GNA12: variants seen among roughly 807,000 people sequenced by gnomAD.
The protein encoded by GNA12 is G protein subunit alpha 12, also known as guanine nucleotide-binding protein subunit alpha-12.
Under a neutral mutation model 26.0 loss-of-function variants are expected in GNA12, and 9 were observed. That is an observed-to-expected ratio of 0.35 (90% CI 0.21 to 0.60). The LOEUF (loss-of-function observed/expected upper bound fraction) is 0.60. GNA12 is among the 20% of genes least tolerant of loss of function. The pLI is 0.78. For synonymous variants in GNA12, 264 were observed against 219.6 expected, an observed-to-expected ratio of 1.20 and a Z score of -1.79; for missense variants, 405 against 525.8, an observed-to-expected ratio of 0.77 and a Z score of 2.25.
intron 2 of GNA12, among the ~76,000 whole-genome samples, chr7:2,749,584 C>T (rs549989532): frequency 2.6e-5 from 4 of 151,816 alleles, no homozygotes; most frequent in Non-Finnish European, 5.9e-5. Flanking sequence ...ATGGGTGCAG[C>T]ACACCAACAT....
At chr7:2,762,902 G>T in intron 2 of GNA12, 1 of 1,421,728 alleles carries the variant, frequency 7.0e-7, no homozygotes, top group East Asian at 2.7e-5. Flanking sequence ...TGCTGCGGCG[G>T]GGAGAAGAGG....
chr7:2,830,385 TC>T (rs1736481718), intron 1 of GNA12, among the ~76,000 whole-genome samples: 1 of 151,810 alleles, frequency 6.6e-6, no homozygotes, highest in Non-Finnish European at 1.5e-5. Context: ...GACTAAAGAG[TC>T]TGGTTTTGGG....
At chr7:2,761,336 G>A (rs771391915) in intron 2 of GNA12, among the ~76,000 whole-genome samples, 14 of 152,218 alleles carry the variant, frequency 9.2e-5, no homozygotes, top group Non-Finnish European at 1.9e-4. Flanking sequence ...GCTATGCCTA[G>A]AGGCACGGGG....
chr7:2,794,906 G>C lies in GNA12; in HGVS notation c.525+22C>G, dbSNP rs1173422535. ...TAAAAAACACACTATCAGGTGCCCA[G>C]CAAGAAGGCCTACTCACTCACCAGC... On this transcript the variant is annotated intron_variant, in intron 2 of 3. Coordinates refer to ENST00000275364, the MANE Select transcript of GNA12 (RefSeq NM_007353.3). 3.9e-6 allele frequency: 6 copies of C among 1,551,496 alleles called. No homozygotes were observed. The African/African-American group carries it at 4.1e-5, about 11-fold the overall frequency.
intron 1 of GNA12, among the ~76,000 whole-genome samples, chr7:2,812,978 C>G (rs1290609662): frequency 6.6e-6 from 1 of 152,226 alleles, no homozygotes; most frequent in Non-Finnish European, 1.5e-5. Flanking sequence ...GAGTCTCGCT[C>G]TGTCGCCCAG....
At chr7:2,836,878 T>C (rs1371704073) in intron 1 of GNA12, among the ~76,000 whole-genome samples, 2 of 152,036 alleles carry the variant, frequency 1.3e-5, no homozygotes, top group African/African-American at 4.8e-5. Context: ...GAGCCAGGAT[T>C]GCGCCACTGC....
At chr7:2,814,483 A>G in intron 1 of GNA12, 1 of 823,704 alleles carries the variant, frequency 1.2e-6, no homozygotes, top group Non-Finnish European at 2.1e-6. Flanking sequence ...CAAGCTCACA[A>G]ATAAAATCAA....
At chr7:2,778,067 G>A (rs910455643) in intron 2 of GNA12, among the ~76,000 whole-genome samples, 5 of 151,936 alleles carry the variant, frequency 3.3e-5, no homozygotes, top group Admixed American at 6.5e-5. Context: ...TCAAACACGA[G>A]CTACACTATG....
chr7:2,781,542 A>G (rs1253107591), intron 2 of GNA12, among the ~76,000 whole-genome samples: 1 of 152,124 alleles, frequency 6.6e-6, no homozygotes, highest in Non-Finnish European at 1.5e-5. Flanking sequence ...TCTTAAAAAG[A>G]TAAATCTTAA....
At chr7:2,788,351 T>A (rs919631713) in intron 2 of GNA12, among the ~76,000 whole-genome samples, 3 of 152,078 alleles carry the variant, frequency 2.0e-5, no homozygotes, top group Non-Finnish European at 2.9e-5. Context: ...TTCAGGAGAC[T>A]TCTGAGGATG....
At chr7:2,736,318 T>G (rs1018522080) in intron 2 of GNA12, among the ~76,000 whole-genome samples, 1 of 152,098 alleles carries the variant, frequency 6.6e-6, no homozygotes, top group African/African-American at 2.4e-5. Context: ...CTCTCGGGAC[T>G]CTCCTTGGTG....
At chr7:2,737,264 G>GTTTTT (rs201866976) in intron 2 of GNA12, among the ~76,000 whole-genome samples, 9 of 52,488 alleles carry the variant, frequency 1.7e-4, no homozygotes, top group South Asian at 6.8e-4. Context: ...CTATCTCACA[G>GTTTTT]TTTTGTTTTG....
intron 2 of GNA12, among the ~76,000 whole-genome samples, chr7:2,785,838 G>A (rs1366166948): frequency 6.6e-6 from 1 of 152,158 alleles, no homozygotes; most frequent in Admixed American, 6.6e-5. Flanking sequence ...CCTGAGTTCA[G>A]GAGTTCAAGA....
At chr7:2,825,044 T>C (rs1313358474) in intron 1 of GNA12, among the ~76,000 whole-genome samples, 1 of 152,218 alleles carries the variant, frequency 6.6e-6, no homozygotes, top group Non-Finnish European at 1.5e-5. Flanking sequence ...GATCTCGCTC[T>C]GGGTAGTACC....
intron 2 of GNA12, among the ~76,000 whole-genome samples, chr7:2,783,179 C>T (rs532676651): frequency 6.6e-6 from 1 of 152,216 alleles, no homozygotes; most frequent in Non-Finnish European, 1.5e-5. Flanking sequence ...TGCCCCTGCC[C>T]CTAAGAAACC....
chr7:2,744,895 G>A (rs372515308), intron 2 of GNA12, among the ~76,000 whole-genome samples: 17 of 152,170 alleles, frequency 1.1e-4, no homozygotes, highest in African/African-American at 2.9e-4. Flanking sequence ...GAGCCGATGC[G>A]ATGAACTGGA....
At chr7:2,761,184 G>A (rs1402862102) in intron 2 of GNA12, among the ~76,000 whole-genome samples, 2 of 152,148 alleles carry the variant, frequency 1.3e-5, no homozygotes, top group East Asian at 1.9e-4. Flanking sequence ...CACCGTGCAC[G>A]GCACTGCGCA....
At chr7:2,833,251 T>G (rs1778733101) in intron 1 of GNA12, among the ~76,000 whole-genome samples, 1 of 152,230 alleles carries the variant, frequency 6.6e-6, no homozygotes, top group South Asian at 2.1e-4. Flanking sequence ...AGTTAAGCCC[T>G]AGGTCCATTA....
chr7:2,759,762 C>T (rs1791470595), intron 2 of GNA12, among the ~76,000 whole-genome samples: 1 of 152,194 alleles, frequency 6.6e-6, no homozygotes, highest in South Asian at 2.1e-4. Flanking sequence ...AGAAAAAACA[C>T]AGACTGAAGG....
Sources: gnomAD v4.1 joint callset for allele counts (sites outside exome capture counted in the v4.1 genomes callset) on GRCh38, gnomAD v4.1.1 for gene constraint, MANE v1.5 for transcripts, NCBI Gene and HGNC (gene_info 2026-07-23, HGNC 2026-07-21) for gene names.